The following GLIS3 variants were observed in gnomAD, a reference collection of about 807,000 sequenced individuals.
The protein encoded by GLIS3 is zinc finger protein GLIS3.
GLIS3 carries 53 observed loss-of-function variants against 78.6 expected under a neutral mutation model. The ratio of observed to expected loss-of-function variants is 0.67; its 90% CI spans 0.54 to 0.85. GLIS3 has a LOEUF of 0.85. Ranked by LOEUF, GLIS3 falls within the 40% of genes least tolerant of loss-of-function variation. The probability of loss-of-function intolerance (pLI) is 0.00; values close to 1 mark genes in which losing one functional copy is unlikely to be tolerated. For missense variants in GLIS3, 1,703 were observed against 1,231.1 expected (o/e 1.38, Z -5.74); for synonymous variants, 684 against 509.9 (o/e 1.34, Z -4.60).
the GLIS3 span, among the ~76,000 whole-genome samples, chr9:4,429,378 T>G: frequency 6.6e-6 from 1 of 151,992 alleles, no homozygotes; most frequent in Admixed American, 6.6e-5. Flanking sequence ...TAGTGCCTTG[T>G]GTTTTCTATG....
intron 2 of GLIS3, among the ~76,000 whole-genome samples, chr9:4,339,916 A>T (rs1817811415): frequency 1.4e-5 from 2 of 138,108 alleles, no homozygotes; most frequent in Admixed American, 1.5e-4. Context: ...AGAGACAGAA[A>T]GGTAAAGCAA....
At chr9:4,422,409 G>GA in the GLIS3 span, among the ~76,000 whole-genome samples, 6 of 152,146 alleles carry the variant, frequency 3.9e-5, no homozygotes, top group African/African-American at 1.4e-4. Context: ...GATCTCTAAA[G>GA]AAAAAGTCCA....
chr9:4,068,670 C>G (rs1029388435), intron 4 of GLIS3, among the ~76,000 whole-genome samples: 1 of 152,060 alleles, frequency 6.6e-6, no homozygotes, highest in Non-Finnish European at 1.5e-5. Context: ...CCTGCAAAGT[C>G]AGTCAGTCAA....
At chr9:3,962,221 A>G (rs1449949659) in intron 4 of GLIS3, among the ~76,000 whole-genome samples, 1 of 151,488 alleles carries the variant, frequency 6.6e-6, no homozygotes. Flanking sequence ...CCTTGTTTCA[A>G]AAAAAAAGGA....
At chr9:3,891,820 G>A (rs865895035) in intron 7 of GLIS3, among the ~76,000 whole-genome samples, 1 of 152,110 alleles carries the variant, frequency 6.6e-6, no homozygotes, top group African/African-American at 2.4e-5. Flanking sequence ...GCAAAATCTT[G>A]TAGGGTAGCT....
At chr9:4,157,359 C>T (rs1022829972) in intron 2 of GLIS3, among the ~76,000 whole-genome samples, 21 of 152,114 alleles carry the variant, frequency 1.4e-4, no homozygotes, top group Admixed American at 7.9e-4. Context: ...GAAAATTCTC[C>T]GAGCTCTCAA....
chr9:4,481,021 A>T, the GLIS3 span, among the ~76,000 whole-genome samples: 20 of 151,910 alleles, frequency 1.3e-4, no homozygotes, highest in African/African-American at 4.6e-4. Flanking sequence ...CACCTGGCTA[A>T]TTTTTTGTAT....
At chr9:4,270,319 C>G (rs1426921835) in intron 2 of GLIS3, among the ~76,000 whole-genome samples, 1 of 152,178 alleles carries the variant, frequency 6.6e-6, no homozygotes, top group African/African-American at 2.4e-5. Context: ...TACTAATTAT[C>G]TATTGCTACA....
At chr9:3,892,902 G>A (rs552267156) in intron 7 of GLIS3, among the ~76,000 whole-genome samples, 5 of 152,210 alleles carry the variant, frequency 3.3e-5, no homozygotes, top group Middle Eastern at 3.4e-3. Flanking sequence ...GAGTATAATA[G>A]ACTCAGCCTT....
chr9:4,301,413 T>A (rs1229968470), upstream of GLIS3, among the ~76,000 whole-genome samples: 1 of 152,130 alleles, frequency 6.6e-6, no homozygotes. Flanking sequence ...TGCAGCAACA[T>A]CACAAAAACA....
chr9:4,364,865 C>A, the GLIS3 span, among the ~76,000 whole-genome samples: 1 of 148,714 alleles, frequency 6.7e-6, no homozygotes, highest in African/African-American at 2.5e-5. Flanking sequence ...CACACTACAG[C>A]CTTCAACTCC....
chr9:4,011,222 A>G (rs1423859680), intron 4 of GLIS3, among the ~76,000 whole-genome samples: 3 of 152,170 alleles, frequency 2.0e-5, no homozygotes, highest in Non-Finnish European at 4.4e-5. Flanking sequence ...CGCAGAGTAC[A>G]AAGAGGGTGG....
chr9:3,853,495 C>G (rs1383762155), intron 9 of GLIS3, among the ~76,000 whole-genome samples: 1 of 152,118 alleles, frequency 6.6e-6, no homozygotes, highest in African/African-American at 2.4e-5. Flanking sequence ...CTCAAAGAGT[C>G]TAATTTTTTA....
At chr9:4,089,724 T>C (rs1421434721) in intron 4 of GLIS3, among the ~76,000 whole-genome samples, 1 of 151,802 alleles carries the variant, frequency 6.6e-6, no homozygotes, top group African/African-American at 2.4e-5. Context: ...GAGGCTGAGG[T>C]GGGAGGATCG....
the GLIS3 span, among the ~76,000 whole-genome samples, chr9:4,415,207 C>T: frequency 6.6e-6 from 1 of 152,172 alleles, no homozygotes; most frequent in African/African-American, 2.4e-5. Context: ...GATCTTACCA[C>T]CCCATTGACT....
At chr9:4,253,647 C>G (rs1191959124) in intron 2 of GLIS3, among the ~76,000 whole-genome samples, 1 of 152,166 alleles carries the variant, frequency 6.6e-6, no homozygotes, top group African/African-American at 2.4e-5. Context: ...CCATGTGCCA[C>G]TGAGGTATGA....
chr9:4,414,336 A>T, the GLIS3 span, among the ~76,000 whole-genome samples: 749 of 152,346 alleles, frequency 4.9e-3, 6 homozygotes, highest in African/African-American at 0.017. Context: ...TAAGCACTTC[A>T]GAGAAACCGT....
chr9:4,166,180 C>T (rs1186650998), intron 2 of GLIS3, among the ~76,000 whole-genome samples: 1 of 152,148 alleles, frequency 6.6e-6, no homozygotes, highest in Non-Finnish European at 1.5e-5. Flanking sequence ...GACACAGTGT[C>T]GGGCTCATAT....
At chr9:4,299,228 C>G (rs1201538322) in intron 1 of GLIS3, among the ~76,000 whole-genome samples, 193 bp downstream of exon 1, 1 of 152,228 alleles carries the variant, frequency 6.6e-6, no homozygotes. Flanking sequence ...CAGCGCAGGT[C>G]TCTCAGTGAC....
Sources: gnomAD v4.1 joint callset for allele counts (sites outside exome capture counted in the v4.1 genomes callset) on GRCh38, gnomAD v4.1.1 for gene constraint, MANE v1.5 for transcripts, NCBI Gene and HGNC (gene_info 2026-07-23, HGNC 2026-07-21) for gene names.